CLIP1: variants seen among roughly 807,000 people sequenced by gnomAD.
The protein encoded by CLIP1 is CAP-Gly domain-containing linker protein 1.
CLIP1 carries 66 observed loss-of-function variants against 161.6 expected under a neutral mutation model. That is an observed-to-expected ratio of 0.41 (90% CI 0.33 to 0.50). The LOEUF (loss-of-function observed/expected upper bound fraction) is 0.50. Ranked by LOEUF, CLIP1 falls within the 20% of genes least tolerant of loss-of-function variation. The pLI is 0.27. For synonymous variants in CLIP1, 598 were observed against 626.2 expected, an observed-to-expected ratio of 0.96 and a Z score of 0.67; for missense variants, 1,376 against 1,702.0, an observed-to-expected ratio of 0.81 and a Z score of 3.37.
At chr12:122,304,063 A>C (rs1204534955) in intron 20 of CLIP1, among the ~76,000 whole-genome samples, 1 of 152,228 alleles carries the variant, frequency 6.6e-6, no homozygotes, top group African/African-American at 2.4e-5. Context: ...TGTGCCTGTC[A>C]GCTGCAGTTT....
In CLIP1 at chr12:122,386,366, CA is replaced by C. The variant is rs1466665040; in HGVS notation, c.-106-5809del. 3.3e-5 allele frequency among the ~76,000 whole-genome samples: 5 copies of C among 151,810 alleles called. 1 individual carries two copies. The highest frequency in any genetic ancestry group is 3.3e-4 in the Admixed American group (5 of 15,212). On this transcript the variant is annotated intron_variant, in intron 1 of 25. Transcript: ENST00000620786. ...TGCCAAACTAAAAAGAAGTATAGTCCAAAAAGTCTAGAAAAAGGAAGCTATG... is the reference window on the plus strand; with the variant it reads ...TGCCAAACTAAAAAGAAGTATAGTCCAAAAGTCTAGAAAAAGGAAGCTATG...
intron 21 of CLIP1, among the ~76,000 whole-genome samples, chr12:122,281,656 G>C (rs1209867318): frequency 2.6e-5 from 4 of 151,908 alleles, no homozygotes; most frequent in Non-Finnish European, 5.9e-5. Flanking sequence ...TGAGGTTGTA[G>C]TGAGCTGTGA....
chr12:122,363,556 G>A (rs952965668), intron 4 of CLIP1, among the ~76,000 whole-genome samples: 5 of 151,362 alleles, frequency 3.3e-5, no homozygotes, highest in African/African-American at 1.2e-4. Flanking sequence ...TTGGCGGTCT[G>A]TTCTCCTGCC....
intron 1 of CLIP1, among the ~76,000 whole-genome samples, chr12:122,398,990 C>T (rs1654016075): frequency 6.8e-6 from 1 of 146,316 alleles, no homozygotes; most frequent in African/African-American, 2.5e-5. Context: ...ACAAGAGGTT[C>T]CACAAAACAA....
intron 3 of CLIP1, among the ~76,000 whole-genome samples, chr12:122,369,281 C>T (rs1213877835): frequency 6.6e-6 from 1 of 152,030 alleles, no homozygotes; most frequent in Non-Finnish European, 1.5e-5. Context: ...CTTGACCTCC[C>T]AAAATGCTAG....
intron 20 of CLIP1, among the ~76,000 whole-genome samples, chr12:122,305,490 C>G (rs1392767671): frequency 6.6e-6 from 1 of 152,182 alleles, no homozygotes; most frequent in African/African-American, 2.4e-5. Context: ...ATGACCTTGC[C>G]TGAATTTACA....
intron 1 of CLIP1, among the ~76,000 whole-genome samples, chr12:122,407,743 T>C (rs1413675018): frequency 2.1e-5 from 1 of 48,440 alleles, no homozygotes; most frequent in Non-Finnish European, 3.1e-5. Flanking sequence ...GGTGAGACCC[T>C]GTCTCAAAAA....
At chr12:122,308,046 T>G (rs1593029915) in intron 20 of CLIP1, among the ~76,000 whole-genome samples, 1 of 152,220 alleles carries the variant, frequency 6.6e-6, no homozygotes, top group Non-Finnish European at 1.5e-5. Context: ...CAAAACCTTT[T>G]CAGTAGGAAG....
chr12:122,380,849 G>A (rs1181854218), intron 1 of CLIP1, among the ~76,000 whole-genome samples: 2 of 152,014 alleles, frequency 1.3e-5, no homozygotes, highest in Non-Finnish European at 2.9e-5. Flanking sequence ...TTTGAGGCCA[G>A]GAGTTCGAGA....
intron 20 of CLIP1, among the ~76,000 whole-genome samples, chr12:122,304,288 C>T (rs995938161): frequency 3.9e-5 from 6 of 152,210 alleles, no homozygotes; most frequent in East Asian, 1.9e-4. Flanking sequence ...TGCTGTTCAC[C>T]GTCCTTTCCA....
intron 15 of CLIP1, among the ~76,000 whole-genome samples, chr12:122,328,865 G>C (rs1004174014): frequency 6.6e-6 from 1 of 152,166 alleles, no homozygotes; most frequent in Admixed American, 6.5e-5. Flanking sequence ...ACAGGCGTGA[G>C]CCACCATGCC....
chr12:122,275,232 T>C (rs951567382), intron 24 of CLIP1: 1 of 152,122 alleles, frequency 6.6e-6, no homozygotes, highest in Non-Finnish European at 1.5e-5. Context: ...TTTTTTTAAA[T>C]AGGAGAAAAA....
intron 1 of CLIP1, among the ~76,000 whole-genome samples, chr12:122,407,330 C>T (rs763436039): frequency 2.0e-5 from 3 of 152,132 alleles, no homozygotes; most frequent in Non-Finnish European, 2.9e-5. Flanking sequence ...TCTCCAGGCT[C>T]CTGACCCTAA....
chr12:122,334,417 A>G (rs1045644620), intron 13 of CLIP1, among the ~76,000 whole-genome samples: 3 of 152,250 alleles, frequency 2.0e-5, no homozygotes, highest in African/African-American at 4.8e-5. Flanking sequence ...CACTCTTCCC[A>G]GGAATACTTA....
At chr12:122,353,027 C>G (rs1437833578) in intron 7 of CLIP1, among the ~76,000 whole-genome samples, 1 of 151,662 alleles carries the variant, frequency 6.6e-6, no homozygotes, top group Non-Finnish European at 1.5e-5. Flanking sequence ...CATCACTACC[C>G]TGGTGAATTC....
At chr12:122,331,818 A>T (rs1951983702) in intron 15 of CLIP1, among the ~76,000 whole-genome samples, 1 of 151,090 alleles carries the variant, frequency 6.6e-6, no homozygotes, top group Non-Finnish European at 1.5e-5. Context: ...AACATGGTGA[A>T]AACTCATCTT....
chr12:122,355,423 G>GC lies in CLIP1; in HGVS notation c.1006-112dup. 1 of 871,438 alleles carries GC rather than the reference G, an allele frequency of 1.1e-6. No homozygotes were observed. The highest frequency in any genetic ancestry group is 1.8e-6 in the Non-Finnish European group (1 of 555,828). 54.0% of individuals were successfully genotyped at this position (871,438 alleles called of 1,614,324 possible). On this transcript the variant is annotated intron_variant, in intron 5 of 25. Transcript: ENST00000620786. The surrounding 1 kb of genome is among the most constrained non-coding windows in gnomAD (Gnocchi z 4.1). ...TCGGCAAAGCAAGGGCGCTGCTCCA[G>GC]CTGGCAGGCTGGCCAGGATTAGGAA...
chr12:122,348,775 C>T (rs1170176009), intron 9 of CLIP1, among the ~76,000 whole-genome samples: 1 of 152,154 alleles, frequency 6.6e-6, no homozygotes, highest in Non-Finnish European at 1.5e-5. Context: ...ATTGACCTAT[C>T]AGTCTGGACA....
chr12:122,390,208 AC>A (rs1955557163), intron 1 of CLIP1, among the ~76,000 whole-genome samples: 1 of 122,292 alleles, frequency 8.2e-6, no homozygotes, highest in Non-Finnish European at 1.8e-5. Flanking sequence ...ATATATATAT[AC>A]ACACATATAT....
Sources: gnomAD v4.1 joint callset for allele counts (sites outside exome capture counted in the v4.1 genomes callset) on GRCh38, gnomAD v4.1.1 for gene constraint, Gnocchi (gnomAD v3.1) non-coding constraint, MANE v1.5 for transcripts, NCBI Gene and HGNC (gene_info 2026-07-23, HGNC 2026-07-21) for gene names.